The following AP4M1 variants were observed in gnomAD, a reference collection of about 807,000 sequenced individuals.
The protein encoded by AP4M1 is AP-4 complex subunit mu-1.
AP4M1 carries 58 observed loss-of-function variants against 62.4 expected under a neutral mutation model. That is an observed-to-expected ratio of 0.93 (90% CI 0.75 to 1.16). The LOEUF is 1.16. Among genes scored for constraint, AP4M1 ranks in the 50% most tolerant of loss-of-function variants. The pLI is 0.00. For synonymous variants in AP4M1, 290 were observed against 239.7 expected, an observed-to-expected ratio of 1.21 and a Z score of -1.94; for missense variants, 626 against 585.4, an observed-to-expected ratio of 1.07 and a Z score of -0.72.
intron 2 of AP4M1, 114 bp downstream of exon 2, chr7:100,102,082 A>C: frequency 8.1e-7 from 1 of 1,235,068 alleles, no homozygotes. Context: ...GCATTCCGCC[A>C]AATAAAGCTA....
chr7:100,103,953 G>A (rs1349627849), intron 6 of AP4M1, 139 bp from the exon 7 acceptor site: 1 of 792,312 alleles, frequency 1.3e-6, no homozygotes, highest in Non-Finnish European at 2.2e-6. Flanking sequence ...GTGGGTGGAG[G>A]TGGGAGATGA....
At chr7:100,102,231 A>G (rs1439106881) in intron 2 of AP4M1, 1 of 609,494 alleles carries the variant, frequency 1.6e-6, no homozygotes, top group Non-Finnish European at 2.9e-6. Context: ...AAATACAAAA[A>G]AAAAAAAAAC....
At position 100,107,664 on chromosome 7, in the gene AP4M1, C is replaced by T; in HGVS notation, c.*782C>T. 1 of 1,596,372 alleles carries T rather than the reference C, an allele frequency of 6.3e-7. No homozygotes were observed. Among genetic ancestry groups the T allele is most frequent in the South Asian group, 1.1e-5 (1 of 89,974 alleles). On this transcript the variant is annotated 3_prime_UTR_variant, in exon 15 of 15. Coordinates refer to ENST00000359593, the MANE Select transcript of AP4M1 (RefSeq NM_004722.4). ...AGGCAGGCCGCTTGCCCTGTGCCCT[C>T]CCTGCCCCCCAGAGGCCTGGCGAGG... is the stretch of plus-strand genomic sequence containing the variant.
chr7:100,105,546 C>G lies in AP4M1; in HGVS notation c.929+7C>G, dbSNP rs1796395565. The G allele has an allele frequency of 6.2e-7, 1 of 1,611,006 alleles. No individual in the cohort carries two copies. The highest frequency in any genetic ancestry group is 8.5e-7 in the Non-Finnish European group (1 of 1,178,866). On this transcript the variant is annotated splice_region_variant and intron_variant, in intron 11 of 14. Transcript: ENST00000359593. ...GGGACCGAGGCTCAGGCCGGTGAGA[C>G]AATTTCCTGGGTTCTAGAACTACCT...
rs934806136 is a variant in AP4M1 at position 100,108,304 on chromosome 7, C to T, written c.*1422C>T. 5 of 1,531,986 alleles carry T rather than the reference C, an allele frequency of 3.3e-6. No homozygotes were observed. The African/African-American group carries it at 4.1e-5, about 13-fold the overall frequency. The allele number at this position is 1,531,986 out of a possible 1,614,324, so 94.9% of individuals were successfully genotyped here. A position where few individuals can be genotyped will look rare whatever the true frequency, so the allele number is the denominator to read the frequency against. On this transcript the variant is annotated 3_prime_UTR_variant, in exon 15 of 15. Coordinates refer to ENST00000359593, the MANE Select transcript of AP4M1 (RefSeq NM_004722.4). ...GGGCACATGTGGCTGTGTGCAAGTG[C>T]CTGTCCCACACAGGGGTTCTCCTCT...
chr7:100,107,371 G>A lies in AP4M1; in HGVS notation c.*489G>A. The A allele has an allele frequency of 1.3e-6, 2 of 1,581,590 alleles. No individual in the cohort carries two copies. The highest frequency in any genetic ancestry group is 1.7e-6 in the Non-Finnish European group (2 of 1,160,724). ...CCACAAAGGGCACTGCCGCTGAGTGGGGACGGGGACGATGCCGGGGGAGGA... is the reference window on the plus strand; with the variant it reads ...CCACAAAGGGCACTGCCGCTGAGTGAGGACGGGGACGATGCCGGGGGAGGA... On this transcript the variant is annotated 3_prime_UTR_variant, in exon 15 of 15. Coordinates refer to ENST00000359593, the MANE Select transcript of AP4M1 (RefSeq NM_004722.4).
upstream of AP4M1, chr7:100,101,455 A>C (rs1796025389): frequency 1.1e-5 from 11 of 988,266 alleles, no homozygotes; most frequent in Admixed American, 8.5e-5. Flanking sequence ...CAATCGGACA[A>C]GGCGGCCTTC....
Position 100,107,632 on chromosome 7 carries a change from A to G in AP4M1, c.*750A>G. ...GTGCTGAGGGACAGGACCTGGATAG[A>G]AAGGAAAGGCAGGCCGCTTGCCCTG... On this transcript the variant is annotated 3_prime_UTR_variant, in exon 15 of 15. Transcript: ENST00000359593. The G allele has an allele frequency of 6.2e-7, 1 of 1,609,580 alleles. No individual in the cohort carries two copies. Among genetic ancestry groups the G allele is most frequent in the African/African-American group, 1.3e-5 (1 of 74,792 alleles).
intron 2 of AP4M1, 142 bp from the exon 3 acceptor site, chr7:100,102,533 C>T (rs1248227398): frequency 1.4e-6 from 1 of 736,990 alleles, no homozygotes; most frequent in African/African-American, 1.7e-5. Context: ...GGAAGCTGGG[C>T]CCAGGCATAT....
At chr7:100,103,059 AC>A in intron 4 of AP4M1, 99 bp downstream of exon 4, 2 of 686,630 alleles carry the variant, frequency 2.9e-6, no homozygotes, top group South Asian at 1.9e-5. Flanking sequence ...GGCCAAGTCT[AC>A]CTTTTTTTTT....
In AP4M1 at chr7:100,108,203, C is replaced by A. The variant is rs562477425; in HGVS notation, c.*1321C>A. 7.4e-6 allele frequency: 11 copies of A among 1,478,512 alleles called. No homozygotes were observed. The highest frequency in any genetic ancestry group is 4.3e-5 in the Admixed American group (2 of 46,576). 91.6% of individuals were successfully genotyped at this position (1,478,512 alleles called of 1,614,324 possible). Reference sequence around the variant, plus strand: ...TGAAGGGAGAGGCCTGGGCTCCCCTCGCTCTTCCTCAGTGGCTCTCACTAG... The same window carrying A: ...TGAAGGGAGAGGCCTGGGCTCCCCTAGCTCTTCCTCAGTGGCTCTCACTAG... On this transcript the variant is annotated 3_prime_UTR_variant, in exon 15 of 15. Transcript: ENST00000359593.
Position 100,106,942 on chromosome 7 carries a change from G to A in AP4M1, c.*60G>A, listed in dbSNP as rs535420343. On this transcript the variant is annotated 3_prime_UTR_variant, in exon 15 of 15. Transcript: ENST00000359593. ...CAGTTTGTCCCACGGGAGGACAGTC[G>A]TTTCTTTTCCAGCCTCCTGGCCTTC... is the stretch of plus-strand genomic sequence containing the variant. 348 of 1,546,698 alleles carry A rather than the reference G, an allele frequency of 2.2e-4. 2 individuals carry two copies. In the South Asian group the frequency reaches 3.0e-3, roughly 13 times the overall value.
chr7:100,101,194 G>A, upstream of AP4M1: 9 of 1,590,768 alleles, frequency 5.7e-6, no homozygotes, highest in Non-Finnish European at 7.7e-6. Flanking sequence ...CAAGACCCCA[G>A]CTCACACCAA....
At position 100,106,697 on chromosome 7, in the gene AP4M1, C is replaced by T. The variant is rs377082958; in HGVS notation, c.1177C>T (p.Leu393Phe). 8 of 1,613,530 alleles carry T rather than the reference C, an allele frequency of 5.0e-6. No individual in the cohort carries two copies. In the African/African-American group the frequency reaches 8.0e-5, roughly 16 times the overall value. ...GCCCCCAGGACCTCCCAGCCATGGG[C>T]TCTCCACCTCGGCCTCTCCTCTGGG... ...PGPPGPPSHG[L>F]STSASPLGLG... Residue 393 changes from leucine (L) to phenylalanine (F), a missense_variant, in exon 15 of 15, where the codon CTC becomes TTC. Coordinates refer to ENST00000359593, the MANE Select transcript of AP4M1 (RefSeq NM_004722.4).
chr7:100,107,558 G>A lies in AP4M1; in HGVS notation c.*676G>A, dbSNP rs145939245. 1.7e-3 allele frequency: 2,760 copies of A among 1,613,974 alleles called. 6 individuals are homozygous for A. The highest frequency in any genetic ancestry group is 0.013 in the African/African-American group (1,006 of 75,022). ...TGACGATGGGCTGCACGCTGGGGAC[G>A]GTGGTGGTGACGGGCGAAGTGGTGG... On this transcript the variant is annotated 3_prime_UTR_variant, in exon 15 of 15. Transcript: ENST00000359593.
upstream of AP4M1, chr7:100,100,838 A>C: frequency 9.9e-7 from 1 of 1,006,882 alleles, no homozygotes; most frequent in Non-Finnish European, 1.2e-6. Flanking sequence ...CCCGGCGCGC[A>C]GCGGCCCCGG....
rs1282149394 is a variant in AP4M1 at position 100,108,768 on chromosome 7, A to G, written c.*1886A>G. Reference sequence around the variant, plus strand: ...AGATGGGCACGGGGCCAGGTGCAGCATCTTAGGCCTGTATCCCAGCACTTG... The same window carrying G: ...AGATGGGCACGGGGCCAGGTGCAGCGTCTTAGGCCTGTATCCCAGCACTTG... On this transcript the variant is annotated 3_prime_UTR_variant, in exon 15 of 15. Coordinates refer to ENST00000359593, the MANE Select transcript of AP4M1 (RefSeq NM_004722.4). 4 of 429,288 alleles carry G rather than the reference A, an allele frequency of 9.3e-6. No homozygotes were observed. Among genetic ancestry groups the G allele is most frequent in the Non-Finnish European group, 1.7e-5 (4 of 241,418 alleles). The allele number at this position is 429,288 out of a possible 1,614,324, so 26.6% of individuals were successfully genotyped here.
At position 100,104,109 on chromosome 7, in the gene AP4M1, T is replaced by G. The variant is rs775529957; in HGVS notation, c.561T>G (p.Val187=). The G allele has an allele frequency of 5.3e-5, 85 of 1,613,954 alleles. No individual in the cohort carries two copies. In the African/African-American group the frequency reaches 9.9e-4, roughly 19 times the overall value. Reference sequence around the variant, plus strand: ...TTTCTCAGAGCCAAAAGAATGAAGTTTTTTTGGATGTGGTCGAGAGATTGT... The same window carrying G: ...TTTCTCAGAGCCAAAAGAATGAAGTGTTTTTGGATGTGGTCGAGAGATTGT... The part of the protein sequence containing the change: ...SRSDQSQKNE[V]FLDVVERLSV... Residue 187 remains valine, a synonymous_variant, in exon 7 of 15, where the codon GTT becomes GTG. Coordinates refer to ENST00000359593, the MANE Select transcript of AP4M1 (RefSeq NM_004722.4).
intron 11 of AP4M1, 114 bp downstream of exon 11, chr7:100,105,653 GA>G: frequency 5.3e-6 from 6 of 1,141,538 alleles, no homozygotes; most frequent in South Asian, 5.1e-5. Flanking sequence ...GTGCAAATTG[GA>G]AAAAGGCTTG....
Sources: allele counts gnomAD v4.1 joint callset, GRCh38; gene constraint gnomAD v4.1.1; transcripts MANE v1.5; gene names NCBI Gene and HGNC (gene_info 2026-07-23, HGNC 2026-07-21).